The following SMARCA2 variants were observed in gnomAD, a reference collection of about 807,000 sequenced individuals.
SMARCA2 encodes SWI/SNF-related matrix-associated actin-dependent regulator of chromatin subfamily A member 2.
Under a neutral mutation model 199.8 loss-of-function variants are expected in SMARCA2, and 61 were observed. The observed-to-expected ratio is 0.31, with a 90% CI of 0.25 to 0.38. The LOEUF (loss-of-function observed/expected upper bound fraction) is 0.38. Ranked by LOEUF, SMARCA2 falls within the 10% of genes least tolerant of loss-of-function variation. The probability of loss-of-function intolerance (pLI) is 1.00; values close to 1 mark genes in which losing one functional copy is unlikely to be tolerated. For synonymous variants in SMARCA2, 935 were observed against 732.0 expected (o/e 1.28, Z -4.48); for missense variants, 1,344 against 2,012.2 (o/e 0.67, Z 6.35).
At chr9:2,176,928 T>C (rs1004529671) in intron 29 of SMARCA2, among the ~76,000 whole-genome samples, 5 of 152,120 alleles carry the variant, frequency 3.3e-5, no homozygotes, top group Admixed American at 1.3e-4. Flanking sequence ...CCTGTTTTGC[T>C]CTTGCTTCAA....
chr9:2,106,509 TTCCTTTTAAGGGTGGACAGAAC>T (rs1822761855), intron 23 of SMARCA2, among the ~76,000 whole-genome samples: 1 of 152,206 alleles, frequency 6.6e-6, no homozygotes, highest in Non-Finnish European at 1.5e-5. Context: ...ACAGCAGCCG[TTCCTTTTAAGGGTGGACAGAAC>T]TAATGGACAA....
In SMARCA2 at chr9:2,193,292, T is replaced by C. The variant is rs1226149129; in HGVS notation, c.*553T>C. 1 of 152,758 alleles carries C rather than the reference T, an allele frequency of 6.5e-6. No individual in the cohort carries two copies. Among genetic ancestry groups the C allele is most frequent in the Non-Finnish European group, 1.5e-5 (1 of 68,106 alleles). The allele number at this position is 152,758 out of a possible 1,614,324, so 9.5% of individuals were successfully genotyped here. A position where few individuals can be genotyped will look rare whatever the true frequency, so the allele number is the denominator to read the frequency against. On this transcript the variant is annotated 3_prime_UTR_variant, in exon 34 of 34. Coordinates refer to ENST00000349721, the MANE Select transcript of SMARCA2 (RefSeq NM_003070.5). ...ATACATTTTTCCATTTTATGCTCTA[T>C]GATCTGAACAAAAGCTTTTTGAATT...
intron 4 of SMARCA2, chr9:2,040,557 G>A (rs1819560638): frequency 1.3e-5 from 2 of 152,404 alleles, no homozygotes; most frequent in South Asian, 2.1e-4. Flanking sequence ...TTGGAAGGAA[G>A]TTCCTTACCA....
intron 32 of SMARCA2, among the ~76,000 whole-genome samples, 166 bp downstream of exon 32, chr9:2,186,394 T>C (rs1214528658): frequency 6.6e-6 from 1 of 152,192 alleles, no homozygotes; most frequent in African/African-American, 2.4e-5. Context: ...TTATCCCTGC[T>C]CATGCTCAGT....
intron 27 of SMARCA2, among the ~76,000 whole-genome samples, chr9:2,133,057 G>C (rs1302377215): frequency 6.6e-6 from 1 of 152,084 alleles, no homozygotes; most frequent in Non-Finnish European, 1.5e-5. Flanking sequence ...TTCTGGTCTT[G>C]AGTTATGTCC....
chr9:2,078,770 CT>C (rs921971875), intron 14 of SMARCA2, among the ~76,000 whole-genome samples: 5 of 151,954 alleles, frequency 3.3e-5, no homozygotes, highest in Non-Finnish European at 7.4e-5. Flanking sequence ...CAGTGAAACC[CT>C]GTCTCTACTA....
At chr9:2,088,323 C>T (rs143535607) in intron 18 of SMARCA2, among the ~76,000 whole-genome samples, 177 bp from the exon 19 acceptor site, 74 of 152,266 alleles carry the variant, frequency 4.9e-4, no homozygotes, top group African/African-American at 1.7e-3. Context: ...CATTTTGTTA[C>T]CACTTGGTAG....
At chr9:2,180,384 A>G (rs1826940826) in intron 29 of SMARCA2, among the ~76,000 whole-genome samples, 1 of 152,178 alleles carries the variant, frequency 6.6e-6, no homozygotes, top group African/African-American at 2.4e-5. Flanking sequence ...GTTACTGCGC[A>G]TGCCTTTTTT....
At position 2,120,590 on chromosome 9, in the gene SMARCA2, A is replaced by G. The variant is rs138097447; in HGVS notation, c.3762+1055A>G. 5.5e-4 allele frequency among the ~76,000 whole-genome samples: 83 copies of G among 152,276 alleles called. 2 individuals carry two copies. Among genetic ancestry groups the G allele is most frequent in the African/African-American group, 1.7e-3 (70 of 41,556 alleles). ...TTTGCAATCTCCACCTTTTTAGCCT[A>G]GACAGAATGGAACTCCACCTGTTTG... On this transcript the variant is annotated intron_variant, in intron 26 of 33. Transcript: ENST00000349721.
chr9:2,187,699 TAATA>T (rs887729832), intron 32 of SMARCA2, among the ~76,000 whole-genome samples: 4 of 152,104 alleles, frequency 2.6e-5, no homozygotes, highest in East Asian at 1.9e-4. Flanking sequence ...TAAATATAAT[TAATA>T]AATATTTTAA....
intron 27 of SMARCA2, among the ~76,000 whole-genome samples, chr9:2,131,278 C>G (rs566350747): frequency 6.6e-6 from 1 of 152,254 alleles, no homozygotes; most frequent in South Asian, 2.1e-4. Flanking sequence ...CTCTTGTTAC[C>G]TTTCTTACGG....
chr9:2,048,023 C>T (rs150608224), intron 5 of SMARCA2: 2 of 152,274 alleles, frequency 1.3e-5, no homozygotes, highest in African/African-American at 4.8e-5. Flanking sequence ...TTGGTAAACT[C>T]TTCCTGTAAA....
chr9:2,178,180 G>A (rs1826756945), intron 29 of SMARCA2, among the ~76,000 whole-genome samples: 1 of 152,128 alleles, frequency 6.6e-6, no homozygotes, highest in African/African-American at 2.4e-5. Context: ...CGCGGTGTCT[G>A]TTCACTTCCA....
intron 30 of SMARCA2, 63 bp from the exon 31 acceptor site, chr9:2,182,078 G>A (rs762782610): frequency 4.2e-5 from 44 of 1,056,390 alleles, no homozygotes; most frequent in Non-Finnish European, 5.6e-5. Flanking sequence ...TGTTAACTAA[G>A]TAATGATCGC....
At position 2,039,891 on chromosome 9, in the gene SMARCA2, A is replaced by G; in HGVS notation, c.781A>G (p.Arg261Gly). 1 of 1,613,864 alleles carries G rather than the reference A, an allele frequency of 6.2e-7. No homozygotes were observed. The highest frequency in any genetic ancestry group is 8.5e-7 in the Non-Finnish European group (1 of 1,179,988). Residue 261 changes from arginine (R) to glycine (G), a missense_variant, in exon 4 of 34, where the codon AGA becomes GGA. Physicochemically the swap from Arg to Gly is moderately radical, Grantham distance 125. Transcript: ENST00000349721. This position sits in a 1 kb window ranked among gnomAD's most constrained non-coding sequence, Gnocchi z 4.8. ...QQQPALVNYN[R>G]PSGPGPELSG... The stretch of plus-strand genomic sequence containing the variant: ...GCAGCCGGCCCTTGTTAACTACAAC[A>G]GACCATCTGGTAGGTTAATACGCAA...
intron 27 of SMARCA2, among the ~76,000 whole-genome samples, chr9:2,140,300 TTAAAA>T (rs1304633773): frequency 6.6e-6 from 1 of 152,196 alleles, no homozygotes; most frequent in Non-Finnish European, 1.5e-5. Flanking sequence ...GCATTTAATT[TTAAAA>T]TATCAATACA....
intron 32 of SMARCA2, among the ~76,000 whole-genome samples, chr9:2,190,458 C>G (rs1331344510): frequency 6.6e-6 from 1 of 152,278 alleles, no homozygotes; most frequent in Admixed American, 6.5e-5. Context: ...ATGTATGAGG[C>G]TTTACCTATA....
chr9:2,041,745 A>G (rs1162466286), intron 4 of SMARCA2: 2 of 224,968 alleles, frequency 8.9e-6, no homozygotes, highest in African/African-American at 4.5e-5. Flanking sequence ...GTTATACAAG[A>G]AACTATGCAG....
In SMARCA2 at chr9:2,193,128, T is replaced by C. The variant is rs936984363; in HGVS notation, c.*389T>C. On this transcript the variant is annotated 3_prime_UTR_variant, in exon 34 of 34. Transcript: ENST00000349721. ...TAGCACTGATAACCAGGAGAAGCCA[T>C]TAAAAGCCACTGGTTATTTTATTTT... The C allele has an allele frequency of 5.8e-6, 1 of 171,260 alleles. No homozygotes were observed. The highest frequency in any genetic ancestry group is 1.2e-5 in the Non-Finnish European group (1 of 80,766). The allele number at this position is 171,260 out of a possible 1,614,324, so 10.6% of individuals were successfully genotyped here.
Sources: allele counts gnomAD v4.1 joint callset (sites outside exome capture counted in the v4.1 genomes callset), GRCh38; gene constraint gnomAD v4.1.1; non-coding constraint Gnocchi (gnomAD v3.1); transcripts MANE v1.5; gene names NCBI Gene and HGNC (gene_info 2026-07-23, HGNC 2026-07-21).